NKAIN2: variants seen among roughly 807,000 people sequenced by gnomAD.
The protein encoded by NKAIN2 is sodium/potassium transporting ATPase interacting 2.
A neutral mutation model predicts 32.6 loss-of-function variants in NKAIN2; 14 were observed. The ratio of observed to expected loss-of-function variants is 0.43; its 90% CI spans 0.28 to 0.67. NKAIN2 has a LOEUF of 0.67. NKAIN2 is among the 30% of genes least tolerant of loss of function. NKAIN2 has a pLI of 0.17. For synonymous variants in NKAIN2, 80 were observed against 87.2 expected (o/e 0.92, Z 0.46); for missense variants, 198 against 258.3 (o/e 0.77, Z 1.60).
intron 4 of NKAIN2, among the ~76,000 whole-genome samples, chr6:124,756,087 A>T (rs1777952859): frequency 6.6e-6 from 1 of 152,030 alleles, no homozygotes; most frequent in Non-Finnish European, 1.5e-5. Flanking sequence ...GTTTCCATGA[A>T]CTCATTTATG....
intron 1 of NKAIN2, among the ~76,000 whole-genome samples, chr6:124,038,857 A>G (rs1781731069): frequency 6.6e-6 from 1 of 152,128 alleles, no homozygotes; most frequent in African/African-American, 2.4e-5. Flanking sequence ...TTCACAGAAC[A>G]GTTCAATATT....
chr6:124,638,731 T>A (rs1783867951), intron 3 of NKAIN2, among the ~76,000 whole-genome samples: 2 of 151,342 alleles, frequency 1.3e-5, no homozygotes, highest in Non-Finnish European at 2.9e-5. Flanking sequence ...CCATCTCTAA[T>A]AAAAATACAA....
At chr6:123,925,019 G>T (rs896959505) in intron 1 of NKAIN2, among the ~76,000 whole-genome samples, 3 of 151,934 alleles carry the variant, frequency 2.0e-5, no homozygotes, top group African/African-American at 7.3e-5. Context: ...AACCAAAAAC[G>T]TGTTTATGTA....
At chr6:124,701,654 AT>A (rs1212728579) in intron 4 of NKAIN2, among the ~76,000 whole-genome samples, 1 of 151,978 alleles carries the variant, frequency 6.6e-6, no homozygotes, top group African/African-American at 2.4e-5. Flanking sequence ...TATAAAGAAA[AT>A]TTTATTTTTC....
intron 3 of NKAIN2, among the ~76,000 whole-genome samples, chr6:124,496,065 T>C (rs1778052280): frequency 6.6e-6 from 1 of 152,152 alleles, no homozygotes; most frequent in African/African-American, 2.4e-5. Flanking sequence ...ATTTCCTTTT[T>C]TCCAATGTTC....
intron 1 of NKAIN2, among the ~76,000 whole-genome samples, chr6:124,001,077 A>G (rs956264521): frequency 2.6e-5 from 4 of 152,126 alleles, no homozygotes; most frequent in Non-Finnish European, 5.9e-5. Flanking sequence ...TGGAATGTGA[A>G]AAACCATCTT....
At chr6:124,724,703 T>C (rs1294558697) in intron 4 of NKAIN2, among the ~76,000 whole-genome samples, 2 of 152,236 alleles carry the variant, frequency 1.3e-5, no homozygotes, top group Non-Finnish European at 2.9e-5. Flanking sequence ...GGATGAGGAT[T>C]ATGTTTCATT....
At chr6:124,464,042 G>C (rs916824781) in intron 3 of NKAIN2, among the ~76,000 whole-genome samples, 1 of 151,994 alleles carries the variant, frequency 6.6e-6, no homozygotes, top group Admixed American at 6.6e-5. Flanking sequence ...GAGTGCAGTG[G>C]CATGATCTCG....
At chr6:124,433,930 G>T (rs1775327931) in intron 3 of NKAIN2, among the ~76,000 whole-genome samples, 1 of 152,112 alleles carries the variant, frequency 6.6e-6, no homozygotes, top group African/African-American at 2.4e-5. Context: ...TTGGCAGTCT[G>T]TGCATGCAGT....
chr6:123,881,393 T>C (rs1773446433), intron 1 of NKAIN2, among the ~76,000 whole-genome samples: 2 of 152,158 alleles, frequency 1.3e-5, no homozygotes, highest in African/African-American at 4.8e-5. Context: ...AATGGCTTCT[T>C]CTCTTCCAAC....
intron 1 of NKAIN2, among the ~76,000 whole-genome samples, chr6:124,008,457 C>T (rs1303769765): frequency 6.6e-6 from 1 of 150,854 alleles, no homozygotes; most frequent in Non-Finnish European, 1.5e-5. Context: ...AAGTGCTATG[C>T]ATCTTTTATT....
At chr6:124,090,980 A>G (rs114233434) in intron 1 of NKAIN2, among the ~76,000 whole-genome samples, 2,771 of 152,054 alleles carry the variant, frequency 0.018, 75 homozygotes, top group African/African-American at 0.06. Context: ...AGTTTTTCCA[A>G]TTGCACACCC....
chr6:124,247,531 A>G (rs755963690), intron 1 of NKAIN2, among the ~76,000 whole-genome samples: 8 of 152,120 alleles, frequency 5.3e-5, no homozygotes, highest in Non-Finnish European at 1.0e-4. Flanking sequence ...CAGAATGTGA[A>G]AACGCTTAGG....
intron 1 of NKAIN2, among the ~76,000 whole-genome samples, chr6:124,090,258 T>C (rs1196219749): frequency 6.6e-6 from 1 of 152,024 alleles, no homozygotes; most frequent in East Asian, 1.9e-4. Context: ...TATTTTAGAT[T>C]CTTTAACTGA....
In NKAIN2 at chr6:124,733,806, T is replaced by A. The variant is rs546205289; in HGVS notation, c.475-57533T>A. ...ATACACATGTATAAGCACACATGTA[T>A]ATATGTGTATATACATGCATACATA... On this transcript the variant is annotated intron_variant, in intron 4 of 6. Transcript: ENST00000368417. Among the ~76,000 whole-genome samples the A allele has an allele frequency of 4.6e-5, 7 of 151,910 alleles. No individual in the cohort carries two copies. The East Asian group carries it at 7.8e-4, about 17-fold the overall frequency.
At chr6:124,486,367 G>GA (rs536093965) in intron 3 of NKAIN2, among the ~76,000 whole-genome samples, 19 of 152,074 alleles carry the variant, frequency 1.2e-4, no homozygotes, top group African/African-American at 4.1e-4. Context: ...GAAAAATTGT[G>GA]AAAAAAACCT....
Position 123,804,105 on chromosome 6 carries a change from G to C in NKAIN2, c.-96G>C. 3.4e-6 allele frequency: 4 copies of C among 1,173,704 alleles called. 1 individual carries two copies. Among genetic ancestry groups the C allele is most frequent in the Non-Finnish European group, 5.1e-6 (4 of 779,402 alleles). The allele number at this position is 1,173,704 out of a possible 1,614,324, so 72.7% of individuals were successfully genotyped here. A position where few individuals can be genotyped will look rare whatever the true frequency, so the allele number is the denominator to read the frequency against. On this transcript the variant is annotated 5_prime_UTR_variant, in exon 1 of 7. Coordinates refer to ENST00000368417, the MANE Select transcript of NKAIN2 (RefSeq NM_001040214.3). Reference sequence around the variant, plus strand: ...CCCGGAGCCCCCGAGCCCTCGGCAGGTTTGCGTGTCCTTCCCCGCGATCTG... The same window carrying C: ...CCCGGAGCCCCCGAGCCCTCGGCAGCTTTGCGTGTCCTTCCCCGCGATCTG...
intron 4 of NKAIN2, among the ~76,000 whole-genome samples, chr6:124,693,282 A>G (rs1447247394): frequency 2.0e-5 from 3 of 152,168 alleles, no homozygotes; most frequent in Admixed American, 1.3e-4. Flanking sequence ...ACAATTGCCT[A>G]CACCATTCAG....
chr6:124,761,963 T>A lies in NKAIN2; in HGVS notation c.475-29376T>A, dbSNP rs571352169. Among the ~76,000 whole-genome samples, 11 of 152,288 alleles carry A rather than the reference T, an allele frequency of 7.2e-5. No individual in the cohort carries two copies. The South Asian group carries it at 2.3e-3, about 32-fold the overall frequency. On this transcript the variant is annotated intron_variant, in intron 4 of 6. Transcript: ENST00000368417. ...TGTCCTTTATCTCCTTATCCCTCTC[T>A]TTCTCCCTAGTTTCTCTCACTCCCT...
Sources: gnomAD v4.1 joint callset for allele counts (sites outside exome capture counted in the v4.1 genomes callset) on GRCh38, gnomAD v4.1.1 for gene constraint, MANE v1.5 for transcripts, NCBI Gene and HGNC (gene_info 2026-07-23, HGNC 2026-07-21) for gene names.